Variants in ZMAT4 observed in about 807,000 individuals in gnomAD.
ZMAT4 encodes zinc finger matrin-type 4.
ZMAT4 carries 17 observed loss-of-function variants against 28.7 expected under a neutral mutation model. The observed-to-expected ratio is 0.59, with a 90% CI of 0.41 to 0.89. The LOEUF is 0.89. ZMAT4 is among the 40% of genes least tolerant of loss of function. The pLI is 0.00. For missense variants in ZMAT4, 240 were observed against 283.8 expected (o/e 0.85, Z 1.11); for synonymous variants, 117 against 109.2 (o/e 1.07, Z -0.44).
At chr8:40,804,156 G>A (rs1388827551) in intron 2 of ZMAT4, among the ~76,000 whole-genome samples, 1 of 152,136 alleles carries the variant, frequency 6.6e-6, no homozygotes, top group South Asian at 2.1e-4. Flanking sequence ...TATAATCCTA[G>A]ACACAAATCA....
At chr8:40,639,060 G>A (rs1806904453) in intron 5 of ZMAT4, among the ~76,000 whole-genome samples, 3 of 152,230 alleles carry the variant, frequency 2.0e-5, no homozygotes, top group Admixed American at 1.3e-4. Context: ...CCTTCGGCCA[G>A]GTCCATGGCC....
intron 5 of ZMAT4, among the ~76,000 whole-genome samples, chr8:40,636,676 T>A (rs1806804540): frequency 6.6e-6 from 1 of 152,106 alleles, no homozygotes; most frequent in East Asian, 1.9e-4. Flanking sequence ...AAGGTGGAGC[T>A]TTGAGTACCA....
At chr8:40,658,708 A>G (rs1808050795) in intron 5 of ZMAT4, among the ~76,000 whole-genome samples, 1 of 151,214 alleles carries the variant, frequency 6.6e-6, no homozygotes, top group African/African-American at 2.4e-5. Flanking sequence ...TTTTGGCTTT[A>G]CTTTCCAGTG....
At chr8:40,794,054 C>A (rs2150581332) in intron 2 of ZMAT4, among the ~76,000 whole-genome samples, 1 of 152,256 alleles carries the variant, frequency 6.6e-6, no homozygotes, top group South Asian at 2.1e-4. Context: ...TAGTTCTTTG[C>A]CAGCTGCCTT....
intron 6 of ZMAT4, among the ~76,000 whole-genome samples, chr8:40,561,243 A>G (rs1005462635): frequency 6.6e-6 from 1 of 152,156 alleles, no homozygotes; most frequent in Non-Finnish European, 1.5e-5. Flanking sequence ...AAGAAGGACA[A>G]GAAAACTCAG....
At chr8:40,697,427 G>C in intron 3 of ZMAT4, 26 bp from the exon 4 acceptor site, 1 of 1,511,954 alleles carries the variant, frequency 6.6e-7, no homozygotes, top group East Asian at 2.4e-5. Flanking sequence ...GAAAGGCCAC[G>C]TGTGAGAGAA....
intron 2 of ZMAT4, among the ~76,000 whole-genome samples, chr8:40,777,770 A>G (rs940117521): frequency 5.9e-5 from 9 of 152,266 alleles, no homozygotes; most frequent in African/African-American, 2.2e-4. Context: ...CAGGCAGGGC[A>G]GTCTCTCAGA....
intron 3 of ZMAT4, among the ~76,000 whole-genome samples, chr8:40,759,683 G>C (rs1470968409): frequency 6.6e-6 from 1 of 152,094 alleles, no homozygotes; most frequent in Non-Finnish European, 1.5e-5. Flanking sequence ...AACAAGGGTC[G>C]ACTGTCTTGG....
chr8:40,776,740 A>C (rs1263673876), intron 2 of ZMAT4, among the ~76,000 whole-genome samples: 1 of 152,212 alleles, frequency 6.6e-6, no homozygotes, highest in Non-Finnish European at 1.5e-5. Context: ...GTGAAGTAAC[A>C]AAGTTAACAA....
At chr8:40,741,961 A>G (rs758184780) in intron 3 of ZMAT4, among the ~76,000 whole-genome samples, 1 of 152,212 alleles carries the variant, frequency 6.6e-6, no homozygotes, top group Non-Finnish European at 1.5e-5. Context: ...TAGAATACCC[A>G]GGTATGATGG....
At chr8:40,716,512 C>A (rs1047890774) in intron 3 of ZMAT4, among the ~76,000 whole-genome samples, 1 of 151,966 alleles carries the variant, frequency 6.6e-6, no homozygotes, top group Non-Finnish European at 1.5e-5. Flanking sequence ...GCCAAGATGG[C>A]GAAACCCCAT....
chr8:40,893,469 C>T (rs573292168), intron 1 of ZMAT4, among the ~76,000 whole-genome samples: 1 of 152,246 alleles, frequency 6.6e-6, no homozygotes, highest in African/African-American at 2.4e-5. Context: ...GCTCAAGTGC[C>T]AGAGCCCAGA....
At chr8:40,810,336 A>G (rs1036305379) in intron 2 of ZMAT4, among the ~76,000 whole-genome samples, 3 of 152,212 alleles carry the variant, frequency 2.0e-5, no homozygotes, top group African/African-American at 7.2e-5. Flanking sequence ...CCTCTCAGAT[A>G]TTAAAGCACA....
chr8:40,765,876 C>G (rs1225702545), intron 3 of ZMAT4, among the ~76,000 whole-genome samples: 1 of 152,152 alleles, frequency 6.6e-6, no homozygotes, highest in Admixed American at 6.5e-5. Context: ...GGATTCAGAT[C>G]TGATTGCTGG....
intron 5 of ZMAT4, among the ~76,000 whole-genome samples, chr8:40,666,743 T>C (rs571591137): frequency 5.9e-5 from 9 of 152,144 alleles, no homozygotes; most frequent in African/African-American, 1.2e-4. Flanking sequence ...ACACAAAATT[T>C]AGTTGACTTT....
At chr8:40,599,825 C>T (rs1011867888) in intron 5 of ZMAT4, among the ~76,000 whole-genome samples, 4 of 152,318 alleles carry the variant, frequency 2.6e-5, no homozygotes, top group Admixed American at 2.0e-4. Flanking sequence ...GGGGCCCCCG[C>T]CCCTCCTCCC....
intron 5 of ZMAT4, among the ~76,000 whole-genome samples, chr8:40,611,829 T>C (rs1585756502): frequency 6.6e-6 from 1 of 152,238 alleles, no homozygotes; most frequent in Non-Finnish European, 1.5e-5. Flanking sequence ...AAATAGTTTC[T>C]CAACAGAGGT....
At chr8:40,897,340 T>C (rs1818911698) in intron 1 of ZMAT4, among the ~76,000 whole-genome samples, 1 of 152,144 alleles carries the variant, frequency 6.6e-6, no homozygotes, top group South Asian at 2.1e-4. Flanking sequence ...CTATCCATGA[T>C]GGGTGCACCA....
At chr8:40,560,589 C>T (rs1045224788) in intron 6 of ZMAT4, among the ~76,000 whole-genome samples, 1 of 151,754 alleles carries the variant, frequency 6.6e-6, no homozygotes, top group African/African-American at 2.4e-5. Context: ...TGTCAAACTC[C>T]GGCAAAATAA....
Sources: gnomAD v4.1 joint callset for allele counts (sites outside exome capture counted in the v4.1 genomes callset) on GRCh38, gnomAD v4.1.1 for gene constraint, MANE v1.5 for transcripts, NCBI Gene and HGNC (gene_info 2026-07-23, HGNC 2026-07-21) for gene names.